Variants in NT5DC1 observed in about 807,000 individuals in gnomAD.
NT5DC1 encodes the protein 5'-nucleotidase domain-containing protein 1.
NT5DC1 carries 42 observed loss-of-function variants against 59.4 expected under a neutral mutation model. That is an observed-to-expected ratio of 0.71 (90% CI 0.55 to 0.92). NT5DC1 has a LOEUF of 0.92. Ranked by LOEUF, NT5DC1 falls within the 40% of genes least tolerant of loss-of-function variation. The pLI, the probability that NT5DC1 is intolerant of heterozygous loss-of-function variation, is 0.00. For missense variants in NT5DC1, 501 were observed against 537.1 expected (o/e 0.93, Z 0.66); for synonymous variants, 172 against 188.1 (o/e 0.91, Z 0.70).
intron 6 of NT5DC1, among the ~76,000 whole-genome samples, chr6:116,137,818 A>T (rs1228085657): frequency 6.6e-6 from 1 of 152,214 alleles, no homozygotes; most frequent in African/African-American, 2.4e-5. Flanking sequence ...GCACTGGCTT[A>T]TGCCTGTAAT....
intron 6 of NT5DC1, among the ~76,000 whole-genome samples, chr6:116,166,031 C>T (rs911988294): frequency 2.0e-5 from 3 of 152,176 alleles, no homozygotes; most frequent in Non-Finnish European, 4.4e-5. Flanking sequence ...GCACTGACAG[C>T]ATTGCCTGGG....
At chr6:116,125,798 T>G in intron 6 of NT5DC1, 1 of 253,694 alleles carries the variant, frequency 3.9e-6, no homozygotes, top group Non-Finnish European at 7.7e-6. Flanking sequence ...CTAGGATCTT[T>G]GACATAGCCT....
At chr6:116,188,121 T>A (rs1033066521) in intron 6 of NT5DC1, among the ~76,000 whole-genome samples, 1 of 151,850 alleles carries the variant, frequency 6.6e-6, no homozygotes, top group African/African-American at 2.4e-5. Context: ...GTCATGAGAG[T>A]GCTAATTAAA....
In NT5DC1 at chr6:116,135,868, T is replaced by TAC. The variant is rs1368513713; in HGVS notation, c.529+17924_529+17925insCA. ...ATATATATATATATATATATATATATATATACACACATACACACACATTGC... is the reference window on the plus strand; with the variant it reads ...ATATATATATATATATATATATATATACATATACACACATACACACACATTGC... On this transcript the variant is annotated intron_variant, in intron 6 of 11. Transcript: ENST00000319550. 9.1e-4 allele frequency among the ~76,000 whole-genome samples: 105 copies of TAC among 115,234 alleles called. 2 individuals are homozygous for TAC. Among genetic ancestry groups the TAC allele is most frequent in the African/African-American group, 3.7e-3 (97 of 26,522 alleles). The allele number at this position is 115,234 out of a possible 152,430, so 75.6% of individuals were successfully genotyped here.
chr6:116,199,391 A>G (rs1781300485), intron 6 of NT5DC1, among the ~76,000 whole-genome samples: 1 of 152,096 alleles, frequency 6.6e-6, no homozygotes, highest in Non-Finnish European at 1.5e-5. Context: ...TTTTATTCCA[A>G]CACTGCTATT....
intron 6 of NT5DC1, chr6:116,121,286 A>G: frequency 6.2e-7 from 1 of 1,613,896 alleles, no homozygotes; most frequent in Non-Finnish European, 8.5e-7. Flanking sequence ...TGTTCCTGGA[A>G]TCCCTGGCTG....
intron 4 of NT5DC1, among the ~76,000 whole-genome samples, chr6:116,111,179 C>CT (rs2114903638): frequency 6.6e-6 from 1 of 152,336 alleles, no homozygotes; most frequent in Admixed American, 6.5e-5. Flanking sequence ...ATTGGCACTC[C>CT]TTTTACCTGT....
intron 6 of NT5DC1, among the ~76,000 whole-genome samples, chr6:116,201,926 A>G (rs893281488): frequency 6.6e-6 from 1 of 151,994 alleles, no homozygotes; most frequent in Non-Finnish European, 1.5e-5. Context: ...TTATGCACCT[A>G]CAGCTGATAA....
chr6:116,210,695 AAAT>A (rs576187992), intron 6 of NT5DC1, among the ~76,000 whole-genome samples: 80 of 152,166 alleles, frequency 5.3e-4, no homozygotes, highest in Middle Eastern at 3.4e-3. Flanking sequence ...TAATTATTAT[AAAT>A]AATCTATTTT....
intron 6 of NT5DC1, among the ~76,000 whole-genome samples, chr6:116,186,137 T>C (rs2114483079): frequency 6.6e-6 from 1 of 152,202 alleles, no homozygotes; most frequent in Admixed American, 6.6e-5. Flanking sequence ...AAGCTTAGTT[T>C]CACTGGATAC....
At position 116,121,023 on chromosome 6, in the gene NT5DC1, C is replaced by T; in HGVS notation, c.529+3078C>T. On this transcript the variant is annotated intron_variant, in intron 6 of 11. Transcript: ENST00000319550. ...GGGTATCCTGCAGGCCCAGCTGGCC[C>T]TGTCTCACCTTTAGGGCCTGGGAGA... The T allele has an allele frequency of 1.9e-6, 3 of 1,614,068 alleles. No homozygotes were observed. The highest frequency in any genetic ancestry group is 1.1e-5 in the South Asian group (1 of 91,086).
chr6:116,150,068 T>G (rs1178752086), intron 6 of NT5DC1, among the ~76,000 whole-genome samples: 1 of 152,098 alleles, frequency 6.6e-6, no homozygotes, highest in Non-Finnish European at 1.5e-5. Context: ...GTTTAGAGAA[T>G]AGGAGTTAGA....
At chr6:116,193,184 T>C (rs751568860) in intron 6 of NT5DC1, among the ~76,000 whole-genome samples, 47 of 152,212 alleles carry the variant, frequency 3.1e-4, no homozygotes, top group Non-Finnish European at 5.0e-4. Flanking sequence ...TTAGTTTATT[T>C]GTGTTTTACT....
intron 6 of NT5DC1, among the ~76,000 whole-genome samples, chr6:116,159,867 T>A (rs894360664): frequency 2.6e-5 from 4 of 152,228 alleles, no homozygotes; most frequent in African/African-American, 9.6e-5. Context: ...CATGCGATAT[T>A]TGTTTTTTTG....
At chr6:116,120,086 A>G (rs1157359218) in intron 6 of NT5DC1, 1 of 1,613,880 alleles carries the variant, frequency 6.2e-7, no homozygotes. Flanking sequence ...CATTGGAGCC[A>G]CTAGGAATCC....
chr6:116,117,784 T>C, intron 5 of NT5DC1, 77 bp from the exon 6 acceptor site: 1 of 782,420 alleles, frequency 1.3e-6, no homozygotes, highest in Non-Finnish European at 2.2e-6. Flanking sequence ...GTCTGCATTG[T>C]AATTGTTTGC....
At chr6:116,109,135 G>T (rs1202311569) in intron 3 of NT5DC1, among the ~76,000 whole-genome samples, 2 of 152,142 alleles carry the variant, frequency 1.3e-5, no homozygotes, top group Non-Finnish European at 2.9e-5. Flanking sequence ...AATAGTACAG[G>T]CAAGTCAACA....
intron 6 of NT5DC1, among the ~76,000 whole-genome samples, chr6:116,216,764 T>C (rs527377242): frequency 2.0e-5 from 3 of 152,250 alleles, no homozygotes; most frequent in Non-Finnish European, 2.9e-5. Context: ...ATTTATCTCT[T>C]TTATCCTCCA....
chr6:116,243,028 T>G (rs1383365095), intron 11 of NT5DC1, among the ~76,000 whole-genome samples: 1 of 152,202 alleles, frequency 6.6e-6, no homozygotes, highest in Non-Finnish European at 1.5e-5. Flanking sequence ...CCTCAAGTCT[T>G]GGTTGCCTCT....
Sources: allele counts gnomAD v4.1 joint callset (sites outside exome capture counted in the v4.1 genomes callset), GRCh38; gene constraint gnomAD v4.1.1; transcripts MANE v1.5; gene names NCBI Gene and HGNC (gene_info 2026-07-23, HGNC 2026-07-21).